Variants in LPCAT1 observed in about 807,000 individuals in gnomAD.
LPCAT1 encodes lysophosphatidylcholine acyltransferase 1.
LPCAT1 carries 23 observed loss-of-function variants against 60.9 expected under a neutral mutation model. The observed-to-expected ratio is 0.38, with a 90% confidence interval of 0.27 to 0.53. The LOEUF is 0.53. LPCAT1 is among the 20% of genes least tolerant of loss of function. The pLI, the probability that LPCAT1 is intolerant of heterozygous loss-of-function variation, is 0.82. For missense variants in LPCAT1, 622 were observed against 723.6 expected (o/e 0.86, Z 1.61); for synonymous variants, 340 against 301.1 (o/e 1.13, Z -1.34).
Position 1,481,401 on chromosome 5 carries a change from C to T in LPCAT1, c.727-425G>A, listed in dbSNP as rs1474365189. On this transcript the variant is annotated intron_variant, in intron 6 of 13. Transcript: ENST00000283415. This position sits in a 1 kb window ranked among gnomAD's most constrained non-coding sequence, Gnocchi z 7.8. ...GGGACCCCGGCCCTCTCCTGCCCAC[C>T]GCTCTCTCCAACTGCTCTGAGTGTT... 3.3e-5 allele frequency among the ~76,000 whole-genome samples: 5 copies of T among 152,228 alleles called. No individual in the cohort carries two copies. The highest frequency in any genetic ancestry group is 7.2e-5 in the African/African-American group (3 of 41,452).
At position 1,492,371 on chromosome 5, in the gene LPCAT1, T is replaced by C. The variant is rs570765005; in HGVS notation, c.493+2329A>G. 4.7e-5 allele frequency among the ~76,000 whole-genome samples: 7 copies of C among 149,760 alleles called. No individual in the cohort carries two copies. The South Asian group carries it at 1.3e-3, about 27-fold the overall frequency. Reference sequence around the variant, plus strand: ...TGAGCTGGGACCTGGGGAGATGGTTTTGAGCTGGAGCCTGGGGAGATGGTT... The same window carrying C: ...TGAGCTGGGACCTGGGGAGATGGTTCTGAGCTGGAGCCTGGGGAGATGGTT... On this transcript the variant is annotated intron_variant, in intron 3 of 13. Coordinates refer to ENST00000283415, the MANE Select transcript of LPCAT1 (RefSeq NM_024830.5).
At chr5:1,484,699 G>A (rs896823169) in intron 5 of LPCAT1, among the ~76,000 whole-genome samples, 3 of 152,222 alleles carry the variant, frequency 2.0e-5, no homozygotes, top group African/African-American at 7.2e-5. Flanking sequence ...CCCGTGTCAG[G>A]GCTGAAACCT....
chr5:1,514,356 G>C (rs897068470), intron 1 of LPCAT1, among the ~76,000 whole-genome samples: 16 of 152,222 alleles, frequency 1.1e-4, no homozygotes, highest in Middle Eastern at 6.3e-3. Context: ...CATCGCAGGT[G>C]CACGGGCCTC....
intron 4 of LPCAT1, among the ~76,000 whole-genome samples, 170 bp from the exon 5 acceptor site, chr5:1,488,621 A>C (rs868365027): frequency 6.6e-6 from 1 of 152,210 alleles, no homozygotes; most frequent in Non-Finnish European, 1.5e-5. Context: ...GCACACACTG[A>C]TTTCCGCTCT....
Position 1,502,654 on chromosome 5 carries a change from C to T in LPCAT1, c.136-1051G>A, listed in dbSNP as rs1416160683. Among the ~76,000 whole-genome samples the T allele has an allele frequency of 2.6e-5, 4 of 151,934 alleles. No individual in the cohort carries two copies. The highest frequency in any genetic ancestry group is 5.9e-5 in the Non-Finnish European group (4 of 67,962). ...GGACTCCGTGTAGAGGGGCGGGAGG[C>T]TTTGGGTGAGGGGAAACACCAGTCC... On this transcript the variant is annotated intron_variant, in intron 1 of 13. Coordinates refer to ENST00000283415, the MANE Select transcript of LPCAT1 (RefSeq NM_024830.5). This position sits in a 1 kb window ranked among gnomAD's most constrained non-coding sequence, Gnocchi z 5.5.
chr5:1,466,342 G>C (rs1734403161), intron 13 of LPCAT1, among the ~76,000 whole-genome samples: 1 of 152,088 alleles, frequency 6.6e-6, no homozygotes, highest in South Asian at 2.1e-4. Flanking sequence ...CCGCCTCCTC[G>C]TCTCTCCTGA....
rs1013318462 is a variant in LPCAT1, at chr5:1,523,272, C to T, written c.135+438G>A. ...GCCGCTCCGGAGTCCCCGGGCTGCG[C>T]GCAGGGCCTGCCAAGGCGGGCGGGG... On this transcript the variant is annotated intron_variant, in intron 1 of 13. Transcript: ENST00000283415. This position sits in a 1 kb window ranked among gnomAD's most constrained non-coding sequence, Gnocchi z 7.1. 6.6e-6 allele frequency among the ~76,000 whole-genome samples: 1 copy of T among 151,970 alleles called. No individual in the cohort carries two copies.
chr5:1,471,005 GTTAA>G, intron 11 of LPCAT1, 81 bp from the exon 12 acceptor site: 4 of 1,102,354 alleles, frequency 3.6e-6, no homozygotes, highest in East Asian at 2.4e-5. Context: ...GGGTGCTGGT[GTTAA>G]TTAAAGGCCA....
chr5:1,505,878 G>T (rs1736171687), intron 1 of LPCAT1, among the ~76,000 whole-genome samples: 1 of 152,228 alleles, frequency 6.6e-6, no homozygotes, highest in African/African-American at 2.4e-5. Flanking sequence ...CTATGGGAAA[G>T]AATGCCTGAC....
In LPCAT1 at chr5:1,516,476, C is replaced by T. The variant is rs868104070; in HGVS notation, c.135+7234G>A. Among the ~76,000 whole-genome samples the T allele has an allele frequency of 3.3e-5, 5 of 152,204 alleles. No homozygotes were observed. The South Asian group carries it at 1.0e-3, about 31-fold the overall frequency. On this transcript the variant is annotated intron_variant, in intron 1 of 13. Coordinates refer to ENST00000283415, the MANE Select transcript of LPCAT1 (RefSeq NM_024830.5). ...CCCAGGCATTCCATGCTGATCCACG[C>T]CTGCCCAGCCCGGCGGCATCCCCAC...
intron 1 of LPCAT1, among the ~76,000 whole-genome samples, chr5:1,519,522 G>A (rs1398057184): frequency 3.3e-5 from 5 of 152,196 alleles, no homozygotes; most frequent in East Asian, 3.8e-4. Flanking sequence ...TTACAGGAAC[G>A]CTCTCGATGA....
chr5:1,491,560 C>T (rs1033959743), intron 3 of LPCAT1, among the ~76,000 whole-genome samples: 3 of 152,154 alleles, frequency 2.0e-5, no homozygotes, highest in Admixed American at 6.5e-5. Context: ...GTGGGTTGCC[C>T]GGTGTGCCTT....
intron 13 of LPCAT1, among the ~76,000 whole-genome samples, chr5:1,465,019 AAC>A (rs1194781594): frequency 2.2e-5 from 3 of 139,224 alleles, no homozygotes; most frequent in South Asian, 2.4e-4. Flanking sequence ...ACACACACAA[AAC>A]AAGCGCAGGC....
chr5:1,481,043 G>A lies in LPCAT1; in HGVS notation c.727-67C>T, dbSNP rs898558915. Reference sequence around the variant, plus strand: ...CCCAGGGCCTGCACCAAGCACCTGCGTGTGCCGGCCTCTCCCTGCACCTCC... The same window carrying A: ...CCCAGGGCCTGCACCAAGCACCTGCATGTGCCGGCCTCTCCCTGCACCTCC... On this transcript the variant is annotated intron_variant, in intron 6 of 13. Transcript: ENST00000283415. The surrounding 1 kb of genome is among the most constrained non-coding windows in gnomAD (Gnocchi z 7.8). 3.8e-6 allele frequency: 6 copies of A among 1,578,680 alleles called. No individual in the cohort carries two copies. The highest frequency in any genetic ancestry group is 2.2e-5 in the East Asian group (1 of 44,690).
intron 11 of LPCAT1, among the ~76,000 whole-genome samples, chr5:1,472,223 G>A (rs963331965): frequency 6.6e-6 from 1 of 151,752 alleles, no homozygotes; most frequent in Non-Finnish European, 1.5e-5. Flanking sequence ...AGGGGCGGAG[G>A]GAGGACTCCC....
chr5:1,466,668 G>C (rs1734418831), intron 13 of LPCAT1, 81 bp downstream of exon 13: 2 of 1,446,360 alleles, frequency 1.4e-6, no homozygotes, highest in African/African-American at 2.8e-5. Flanking sequence ...TCCTGTCCTG[G>C]GCTCCCACGG....
chr5:1,486,299 G>C (rs1735368104), intron 5 of LPCAT1, among the ~76,000 whole-genome samples: 1 of 152,178 alleles, frequency 6.6e-6, no homozygotes, highest in African/African-American at 2.4e-5. Flanking sequence ...CCTGGCCTGG[G>C]TCAGAACAGG....
In LPCAT1 at chr5:1,494,187, G is replaced by A. The variant is rs551956133; in HGVS notation, c.493+513C>T. On this transcript the variant is annotated intron_variant, in intron 3 of 13. Transcript: ENST00000283415. ...GCCGCGGTGCATGGGCAGCCCTGCC[G>A]ACCTGCTCCCAAAGACTTCCAGAAC... Among the ~76,000 whole-genome samples the A allele has an allele frequency of 2.8e-4, 42 of 152,328 alleles. No individual in the cohort carries two copies. In the East Asian group the frequency reaches 4.4e-3, roughly 16 times the overall value.
Position 1,466,767 on chromosome 5 carries a change from TCTC to T in LPCAT1, c.1399_1401del (p.Glu467del), listed in dbSNP as rs753005558. 6 of 1,611,118 alleles carry T rather than the reference TCTC, an allele frequency of 3.7e-6. No homozygotes were observed. The highest frequency in any genetic ancestry group is 1.1e-5 in the South Asian group (1 of 90,768). On this transcript the variant is annotated inframe_deletion, in exon 13 of 14. Coordinates refer to ENST00000283415, the MANE Select transcript of LPCAT1 (RefSeq NM_024830.5). ...GGCTCACCGAATGTGATCTTCCCCT[TCTC>T]CTCTTGGTCAATGGCTCGGAATAGG...
Sources: allele counts gnomAD v4.1 joint callset (sites outside exome capture counted in the v4.1 genomes callset), GRCh38; gene constraint gnomAD v4.1.1; non-coding constraint Gnocchi (gnomAD v3.1); transcripts MANE v1.5; gene names NCBI Gene and HGNC (gene_info 2026-07-23, HGNC 2026-07-21).